Variants in IQSEC1 observed in about 807,000 individuals in gnomAD.
The protein encoded by IQSEC1 is IQ motif and Sec7 domain ArfGEF 1.
IQSEC1 carries 31 observed loss-of-function variants against 91.0 expected under a neutral mutation model. That is an observed-to-expected ratio of 0.34 (90% CI 0.26 to 0.46). The LOEUF (loss-of-function observed/expected upper bound fraction) is 0.46. Among genes scored for constraint, IQSEC1 ranks in the 20% least tolerant of loss-of-function variants. IQSEC1 has a pLI of 1.00. For missense variants in IQSEC1, 1,388 were observed against 1,575.6 expected (o/e 0.88, Z 2.02); for synonymous variants, 699 against 662.6 (o/e 1.05, Z -0.84).
chr3:13,004,803 A>T (rs1443454501), intron 1 of IQSEC1, among the ~76,000 whole-genome samples: 3 of 152,128 alleles, frequency 2.0e-5, no homozygotes, highest in Admixed American at 2.0e-4. Flanking sequence ...AAAACCCAGC[A>T]TCGGGCCAGC....
chr3:12,981,257 C>T (rs938199314), intron 1 of IQSEC1, among the ~76,000 whole-genome samples: 1 of 152,174 alleles, frequency 6.6e-6, no homozygotes, highest in African/African-American at 2.4e-5. Flanking sequence ...AATTCCTTCC[C>T]TATAGATGAG....
intron 1 of IQSEC1, among the ~76,000 whole-genome samples, chr3:13,271,602 C>A (rs1695591222): frequency 6.6e-6 from 1 of 152,024 alleles, no homozygotes; most frequent in South Asian, 2.1e-4. Context: ...TCAAGACCAG[C>A]CTGGGCAACA....
rs1178750319 is a variant in IQSEC1, at chr3:12,908,077, C to T, written c.2755+272G>A. 1.3e-5 allele frequency among the ~76,000 whole-genome samples: 2 copies of T among 152,208 alleles called. No homozygotes were observed. The highest frequency in any genetic ancestry group is 2.9e-5 in the Non-Finnish European group (2 of 68,028). The stretch of plus-strand genomic sequence containing the variant: ...GATCAATAAACAAGTAAATAAAACC[C>T]CTGGAAGAAGAAAGGGAAAATGGGG... On this transcript the variant is annotated intron_variant, in intron 12 of 13. Transcript: ENST00000613206. The surrounding 1 kb of genome is among the most constrained non-coding windows in gnomAD (Gnocchi z 4.9).
intron 1 of IQSEC1, among the ~76,000 whole-genome samples, chr3:13,190,556 A>AAAAAAAAAAAAAAAC (rs761116700): frequency 2.1e-4 from 6 of 28,330 alleles, no homozygotes; most frequent in African/African-American, 5.8e-4. Context: ...ACCCTGTCTC[A>AAAAAAAAAAAAAAAC]AAAAAAAAAA....
chr3:13,147,108 T>C (rs72658709), intron 2 of IQSEC1, among the ~76,000 whole-genome samples: 5,497 of 152,304 alleles, frequency 0.036, 284 homozygotes, highest in South Asian at 0.13. Flanking sequence ...GCCCAGGGGC[T>C]AGCCAGGGAT....
In IQSEC1 at chr3:12,904,921, C is replaced by T. The variant is rs930209750; in HGVS notation, c.2756-2099G>A. Among the ~76,000 whole-genome samples the T allele has an allele frequency of 2.6e-5, 4 of 152,196 alleles. No homozygotes were observed. In the East Asian group the frequency reaches 7.7e-4, roughly 29 times the overall value. ...TTACCCTGCCCAACTTGGGTGAACACTTAGGAGTTCCTTACTTGGCTGTTT... is the reference window on the plus strand; with the variant it reads ...TTACCCTGCCCAACTTGGGTGAACATTTAGGAGTTCCTTACTTGGCTGTTT... On this transcript the variant is annotated intron_variant, in intron 12 of 13. Coordinates refer to ENST00000613206, the MANE Select transcript of IQSEC1 (RefSeq NM_001134382.3).
At chr3:13,197,241 C>A (rs1313217972) in intron 1 of IQSEC1, among the ~76,000 whole-genome samples, 6 of 152,212 alleles carry the variant, frequency 3.9e-5, no homozygotes, top group Admixed American at 3.9e-4. Context: ...AACGCTTGCT[C>A]CCTGCACACA....
At chr3:13,275,708 T>C (rs1416436133) in intron 1 of IQSEC1, among the ~76,000 whole-genome samples, 1 of 152,250 alleles carries the variant, frequency 6.6e-6, no homozygotes, top group Non-Finnish European at 1.5e-5. Context: ...GCCTGATCCC[T>C]CTGTAATCTT....
chr3:12,901,830 A>G (rs1694345700), intron 13 of IQSEC1, among the ~76,000 whole-genome samples: 1 of 152,196 alleles, frequency 6.6e-6, no homozygotes. Context: ...TGGCCCTGGC[A>G]GCAGCCTGAG....
chr3:13,148,998 G>A lies in IQSEC1; in HGVS notation c.302+15106C>T, dbSNP rs77390734. ...CTGGGAAGAACCGCTGCTGGGCAGC[G>A]TCCTCTGGAAGGCAGCATCCCCTGT... is the stretch of plus-strand genomic sequence containing the variant. On this transcript the variant is annotated intron_variant, in intron 2 of 15. Coordinates refer to the IQSEC1 transcript ENST00000648114. 1.6e-4 allele frequency among the ~76,000 whole-genome samples: 25 copies of A among 152,350 alleles called. 1 individual carries two copies. In the East Asian group the frequency reaches 4.4e-3, roughly 27 times the overall value.
chr3:13,250,147 G>A (rs74869136), intron 1 of IQSEC1, among the ~76,000 whole-genome samples: 3,321 of 152,326 alleles, frequency 0.022, 88 homozygotes, highest in African/African-American at 0.074. Context: ...CTTGTCACAG[G>A]CTTTCAGGGG....
chr3:13,150,387 G>A lies in IQSEC1; in HGVS notation c.302+13717C>T, dbSNP rs946854437. Among the ~76,000 whole-genome samples the A allele has an allele frequency of 3.3e-5, 5 of 152,252 alleles. No homozygotes were observed. In the South Asian group the frequency reaches 8.3e-4, roughly 25 times the overall value. ...GCAAAGGGAATGTGGTTGGTTTTTCGAATTAAGTTTTTAAACTTGTCAGCT... is the reference window on the plus strand; with the variant it reads ...GCAAAGGGAATGTGGTTGGTTTTTCAAATTAAGTTTTTAAACTTGTCAGCT... On this transcript the variant is annotated intron_variant, in intron 2 of 15. Coordinates refer to the IQSEC1 transcript ENST00000648114.
At chr3:13,001,127 A>AT (rs1458658654) in intron 1 of IQSEC1, among the ~76,000 whole-genome samples, 1 of 151,248 alleles carries the variant, frequency 6.6e-6, no homozygotes, top group African/African-American at 2.4e-5. Flanking sequence ...TTTTTTTTAA[A>AT]TTTTTTTATT....
chr3:13,117,937 T>A (rs148883878), intron 2 of IQSEC1, among the ~76,000 whole-genome samples: 1 of 152,132 alleles, frequency 6.6e-6, no homozygotes, highest in East Asian at 1.9e-4. Context: ...AAATCACATA[T>A]CTGATAAGGA....
intron 2 of IQSEC1, among the ~76,000 whole-genome samples, chr3:13,084,962 G>A (rs376144999): frequency 1.5e-4 from 23 of 151,870 alleles, no homozygotes; most frequent in African/African-American, 2.7e-4. Flanking sequence ...AAACAGCCTC[G>A]GGGTGGGGTG....
chr3:13,040,365 T>C (rs1219473043), intron 1 of IQSEC1, among the ~76,000 whole-genome samples: 1 of 152,258 alleles, frequency 6.6e-6, no homozygotes, highest in African/African-American at 2.4e-5. Context: ...AATAGGTCTT[T>C]TCCCTTTGTA....
At position 13,243,339 on chromosome 3, in the gene IQSEC1, C is replaced by T. The variant is rs146009212; in HGVS notation, c.272+39372G>A. 1.2e-4 allele frequency among the ~76,000 whole-genome samples: 19 copies of T among 152,292 alleles called. No individual in the cohort carries two copies. In the East Asian group the frequency reaches 3.7e-3, roughly 29 times the overall value. On this transcript the variant is annotated intron_variant, in intron 1 of 15. Transcript: ENST00000648114. The stretch of plus-strand genomic sequence containing the variant: ...GACCCTGTGTGTCCACTGAGAGCTA[C>T]CATGCCAGCTGACCCTCGGACGAAG...
Position 12,915,655 on chromosome 3 carries a change from G to A in IQSEC1, c.2099C>T (p.Thr700Ile). 2.5e-6 allele frequency: 4 copies of A among 1,614,134 alleles called. No individual in the cohort carries two copies. The highest frequency in any genetic ancestry group is 3.4e-6 in the Non-Finnish European group (4 of 1,180,002). Residue 700 changes from threonine (T) to isoleucine (I), a missense_variant, in exon 7 of 14, where the codon ACC becomes ATC. By Grantham distance (89) the Thr-to-Ile change is moderately conservative (BLOSUM62 -1). Coordinates refer to ENST00000613206, the MANE Select transcript of IQSEC1 (RefSeq NM_001134382.3). ...CACCTGGGACACATGGTCCTCATTGGTCTTTAGCTCTCGCTTACGGATCCG... is the reference window on the plus strand; with the variant it reads ...CACCTGGGACACATGGTCCTCATTGATCTTTAGCTCTCGCTTACGGATCCG... ...YERIRKRELK[T>I]NEDHVSQVQK...
chr3:12,902,407 G>T (rs1422606173), intron 13 of IQSEC1, among the ~76,000 whole-genome samples: 1 of 151,270 alleles, frequency 6.6e-6, no homozygotes, highest in African/African-American at 2.4e-5. Context: ...CGGGTGGCCC[G>T]GGCGGGGGTG....
Sources: allele counts gnomAD v4.1 joint callset (sites outside exome capture counted in the v4.1 genomes callset), GRCh38; gene constraint gnomAD v4.1.1; non-coding constraint Gnocchi (gnomAD v3.1); transcripts MANE v1.5; gene names NCBI Gene and HGNC (gene_info 2026-07-23, HGNC 2026-07-21).